The following WDFY2 variants were observed in gnomAD, a reference collection of about 807,000 sequenced individuals.
WDFY2 encodes the protein WD repeat and FYVE domain containing 2, also known as WD repeat and FYVE domain-containing protein 2.
WDFY2 carries 36 observed loss-of-function variants against 56.4 expected under a neutral mutation model. That is an observed-to-expected ratio of 0.64 (90% confidence interval 0.49 to 0.84). The LOEUF (loss-of-function observed/expected upper bound fraction) is 0.84, where lower values mean the gene tolerates loss of function less well. Among genes scored for constraint, WDFY2 ranks in the 40% least tolerant of loss-of-function variants. WDFY2 has a pLI of 0.00. For synonymous variants in WDFY2, 176 were observed against 183.7 expected (o/e 0.96, Z 0.34); for missense variants, 444 against 512.2 (o/e 0.87, Z 1.29).
At chr13:51,627,710 A>G (rs1024966839) in intron 1 of WDFY2, among the ~76,000 whole-genome samples, 14 of 152,104 alleles carry the variant, frequency 9.2e-5, no homozygotes, top group Non-Finnish European at 5.9e-5. Context: ...TCCCATGTCC[A>G]GGAAGAATGA....
rs1953622295 is a variant in WDFY2 at position 51,762,649 on chromosome 13, G to A, written c.*2880G>A. 6.6e-6 allele frequency: 1 copy of A among 152,212 alleles called. No homozygotes were observed. The highest frequency in any genetic ancestry group is 1.5e-5 in the Non-Finnish European group (1 of 68,032). 9.4% of individuals were successfully genotyped at this position (152,212 alleles called of 1,614,324 possible). On this transcript the variant is annotated 3_prime_UTR_variant, in exon 12 of 12. Coordinates refer to ENST00000298125, the MANE Select transcript of WDFY2 (RefSeq NM_052950.4). ...TGGAAATGGAGGCTCCATTCCTTAG[G>A]AGTAAAAGCTGGCGCCAGCACTTGG...
At chr13:51,686,916 C>G (rs1475531667) in intron 3 of WDFY2, among the ~76,000 whole-genome samples, 1 of 151,458 alleles carries the variant, frequency 6.6e-6, no homozygotes, top group Non-Finnish European at 1.5e-5. Flanking sequence ...TTCAAAATTA[C>G]TGTGGGTAAC....
intron 3 of WDFY2, among the ~76,000 whole-genome samples, chr13:51,683,158 G>A (rs1160610838): frequency 6.6e-6 from 1 of 152,206 alleles, no homozygotes; most frequent in African/African-American, 2.4e-5. Context: ...CATCACAAGT[G>A]ACTCCCTTAT....
intron 1 of WDFY2, among the ~76,000 whole-genome samples, chr13:51,649,349 C>T (rs1324557299): frequency 6.6e-6 from 1 of 151,636 alleles, no homozygotes; most frequent in African/African-American, 2.4e-5. Flanking sequence ...GCATTTGGCC[C>T]TGTCCTGTTA....
intron 3 of WDFY2, among the ~76,000 whole-genome samples, chr13:51,701,749 T>G (rs903302851): frequency 6.6e-6 from 1 of 152,136 alleles, no homozygotes; most frequent in African/African-American, 2.4e-5. Flanking sequence ...TGAGGTATCT[T>G]TTGACCAGGT....
intron 2 of WDFY2, among the ~76,000 whole-genome samples, chr13:51,674,815 G>A (rs1369331327): frequency 6.6e-6 from 1 of 152,132 alleles, no homozygotes; most frequent in Non-Finnish European, 1.5e-5. Flanking sequence ...TATTTAAGAT[G>A]GAATTGGAGT....
At chr13:51,618,302 A>C (rs1954659082) in intron 1 of WDFY2, among the ~76,000 whole-genome samples, 1 of 152,220 alleles carries the variant, frequency 6.6e-6, no homozygotes. Context: ...AGGCTCACAG[A>C]TGGCCTCATT....
chr13:51,692,296 T>C (rs1012539696), intron 3 of WDFY2, among the ~76,000 whole-genome samples: 1 of 152,168 alleles, frequency 6.6e-6, no homozygotes, highest in Non-Finnish European at 1.5e-5. Flanking sequence ...ATCCTTCCAG[T>C]TTTTGCCCAT....
chr13:51,675,515 A>T (rs1278251554), intron 3 of WDFY2, among the ~76,000 whole-genome samples: 1 of 152,214 alleles, frequency 6.6e-6, no homozygotes, highest in East Asian at 1.9e-4. Context: ...AAACTGCATG[A>T]ATCTGCATTA....
intron 3 of WDFY2, among the ~76,000 whole-genome samples, chr13:51,687,351 G>T (rs1215492402): frequency 6.6e-6 from 1 of 151,868 alleles, no homozygotes; most frequent in Non-Finnish European, 1.5e-5. Context: ...ATATATGTTA[G>T]AAGGTCATAG....
rs1468861076 is a variant in WDFY2, at chr13:51,764,843, C to G, written c.*5074C>G. ...CCCGCAACCAGGAAGGACTCCCAGA[C>G]TAACGCCAAAGGTGTGTTGGGCTCA... On this transcript the variant is annotated 3_prime_UTR_variant, in exon 12 of 12. Transcript: ENST00000298125. 6 of 152,456 alleles carry G rather than the reference C, an allele frequency of 3.9e-5. No homozygotes were observed. In the East Asian group the frequency reaches 7.7e-4, roughly 20 times the overall value. The allele number at this position is 152,456 out of a possible 1,614,324, so 9.4% of individuals were successfully genotyped here.
Position 51,584,587 on chromosome 13 carries a change from C to A in WDFY2, c.-101C>A. On this transcript the variant is annotated 5_prime_UTR_variant, in exon 1 of 12. Coordinates refer to ENST00000298125, the MANE Select transcript of WDFY2 (RefSeq NM_052950.4). ...GTTTCCGGCGTTCCGCTCCGGCCAG[C>A]CAGAGTCTCTGTCTCAACCTGTGTC... 1 of 1,422,368 alleles carries A rather than the reference C, an allele frequency of 7.0e-7. No homozygotes were observed. Among genetic ancestry groups the A allele is most frequent in the Non-Finnish European group, 9.3e-7 (1 of 1,080,814 alleles). 88.1% of individuals were successfully genotyped at this position (1,422,368 alleles called of 1,614,324 possible).
intron 1 of WDFY2, among the ~76,000 whole-genome samples, chr13:51,634,371 A>G (rs951836499): frequency 7.2e-5 from 11 of 152,202 alleles, no homozygotes; most frequent in African/African-American, 2.6e-4. Flanking sequence ...GACCTGATTC[A>G]TGATAAATAC....
intron 4 of WDFY2, among the ~76,000 whole-genome samples, chr13:51,714,633 A>G (rs1952303100): frequency 6.6e-6 from 1 of 152,202 alleles, no homozygotes; most frequent in African/African-American, 2.4e-5. Flanking sequence ...TGTAAAATGT[A>G]GCCACTTTGA....
intron 1 of WDFY2, chr13:51,587,053 A>G (rs1953954262): frequency 6.6e-6 from 1 of 152,240 alleles, no homozygotes; most frequent in South Asian, 2.1e-4. Context: ...CTACAAAGCC[A>G]TTACCATTCA....
intron 3 of WDFY2, among the ~76,000 whole-genome samples, chr13:51,686,639 T>G (rs1358760610): frequency 6.6e-6 from 1 of 152,138 alleles, no homozygotes; most frequent in Non-Finnish European, 1.5e-5. Flanking sequence ...TGTTCAGGAC[T>G]GAAAATATAT....
intron 1 of WDFY2, among the ~76,000 whole-genome samples, chr13:51,650,344 A>G (rs1431226589): frequency 1.3e-5 from 2 of 152,312 alleles, no homozygotes; most frequent in East Asian, 1.9e-4. Flanking sequence ...TAGATATACA[A>G]TCATGTCATC....
At position 51,702,779 on chromosome 13, in the gene WDFY2, G is replaced by C. The variant is rs1047982957; in HGVS notation, c.280-817G>C. Among the ~76,000 whole-genome samples the C allele has an allele frequency of 3.3e-5, 5 of 152,016 alleles. No individual in the cohort carries two copies. In the East Asian group the frequency reaches 7.7e-4, roughly 23 times the overall value. On this transcript the variant is annotated intron_variant, in intron 3 of 11. Coordinates refer to ENST00000298125, the MANE Select transcript of WDFY2 (RefSeq NM_052950.4). Reference sequence around the variant, plus strand: ...GCGTTGTTTCTAAACTCAGATGAAGGCATCAATTTATTATACTTTGCAGCT... The same window carrying C: ...GCGTTGTTTCTAAACTCAGATGAAGCCATCAATTTATTATACTTTGCAGCT...
intron 1 of WDFY2, among the ~76,000 whole-genome samples, chr13:51,638,671 A>G (rs956060888): frequency 6.6e-6 from 1 of 152,248 alleles, no homozygotes. Flanking sequence ...GATTTCATTC[A>G]TTTTATTACC....
Sources: gnomAD v4.1 joint callset for allele counts (sites outside exome capture counted in the v4.1 genomes callset) on GRCh38, gnomAD v4.1.1 for gene constraint, MANE v1.5 for transcripts, NCBI Gene and HGNC (gene_info 2026-07-23, HGNC 2026-07-21) for gene names.